The following FGF13 variants were observed in gnomAD, a reference collection of about 807,000 sequenced individuals.
The protein encoded by FGF13 is fibroblast growth factor homologous factor 2.
FGF13 carries 2 observed loss-of-function variants against 19.5 expected under a neutral mutation model. That is an observed-to-expected ratio of 0.10 (90% CI 0.04 to 0.32). The LOEUF (loss-of-function observed/expected upper bound fraction) is 0.32, where lower values mean the gene tolerates loss of function less well. Ranked by LOEUF, FGF13 falls within the 10% of genes least tolerant of loss-of-function variation. FGF13 has a pLI of 1.00. For synonymous variants in FGF13, 72 were observed against 76.9 expected (o/e 0.94, Z 0.33); for missense variants, 113 against 192.7 (o/e 0.59, Z 2.45).
intron 1 of FGF13, among the ~76,000 whole-genome samples, chrX:138,972,177 A>G (rs1490630824): frequency 9.2e-6 from 1 of 108,163 alleles, no homozygotes; most frequent in Non-Finnish European, 1.9e-5. Context: ...GGGAGTGCAG[A>G]TATCTCTTCA....
chrX:139,089,672 T>G (rs1202431112), intron 1 of FGF13, among the ~76,000 whole-genome samples: 1 of 112,132 alleles, frequency 8.9e-6, no homozygotes, highest in Admixed American at 9.4e-5. Flanking sequence ...TCAATTTCTC[T>G]ATGGTTTGCT....
At chrX:138,925,136 G>C (rs914437165) in intron 1 of FGF13, among the ~76,000 whole-genome samples, 1 of 112,035 alleles carries the variant, frequency 8.9e-6, no homozygotes, top group African/African-American at 3.2e-5. Context: ...GTGCCAAGAA[G>C]TATGCTTCAT....
At chrX:139,003,054 T>C (rs1356344997) in intron 1 of FGF13, among the ~76,000 whole-genome samples, 2 of 112,148 alleles carry the variant, frequency 1.8e-5, no homozygotes, top group Non-Finnish European at 3.8e-5. Flanking sequence ...TGTCCGGAAT[T>C]GGTGGGTTCT....
chrX:138,863,996 A>C lies in FGF13; in HGVS notation c.-39+581T>G, dbSNP rs374231685. ...GAAGGGCTGTTTTGTCCATTGTAGGATGTTGAGCTGTATCCCTAGCCTCTA... is the reference window on the plus strand; with the variant it reads ...GAAGGGCTGTTTTGTCCATTGTAGGCTGTTGAGCTGTATCCCTAGCCTCTA... On this transcript the variant is annotated intron_variant, in intron 2 of 2. Coordinates refer to the FGF13 transcript ENST00000421460. 2.5e-3 allele frequency among the ~76,000 whole-genome samples: 280 copies of C among 111,957 alleles called. 1 individual carries two copies. Among genetic ancestry groups the C allele is most frequent in the African/African-American group, 8.9e-3 (274 of 30,852 alleles).
intron 3 of FGF13, among the ~76,000 whole-genome samples, chrX:138,651,342 T>C (rs1303804166): frequency 1.8e-5 from 2 of 112,440 alleles, no homozygotes; most frequent in African/African-American, 6.5e-5. Flanking sequence ...TAAACAGCAG[T>C]GACAGGAAGA....
At chrX:138,877,099 C>T (rs910851799) in intron 1 of FGF13, among the ~76,000 whole-genome samples, 1 of 111,494 alleles carries the variant, frequency 9.0e-6, no homozygotes, top group Non-Finnish European at 1.9e-5. Context: ...GAACAACACA[C>T]ACCAGGGCCT....
intron 1 of FGF13, among the ~76,000 whole-genome samples, chrX:139,158,734 A>C (rs1363775267): frequency 9.0e-6 from 1 of 111,564 alleles, no homozygotes. Flanking sequence ...TCAGAGATTG[A>C]AGATCAACTT....
chrX:139,096,633 G>A (rs1168364843), intron 1 of FGF13, among the ~76,000 whole-genome samples: 1 of 111,451 alleles, frequency 9.0e-6, no homozygotes, highest in Non-Finnish European at 1.9e-5. Context: ...GCAATTATGT[G>A]GACTTTGAAA....
Position 139,158,224 on chromosome X carries a change from G to T in FGF13, c.-113+45192C>A, listed in dbSNP as rs766913526. On this transcript the variant is annotated intron_variant, in intron 1 of 2. Transcript: ENST00000421460. ...GCTAGCTGCAGCATTTTTTTTTTTT[G>T]ATATCCCAGTGGTGCCTGGAACACC... is the stretch of plus-strand genomic sequence containing the variant. Among the ~76,000 whole-genome samples, 85 of 88,573 alleles carry T rather than the reference G, an allele frequency of 9.6e-4. No homozygotes were observed. The East Asian group carries it at 0.018, about 19-fold the overall frequency. 76.9% of individuals were successfully genotyped at this position (88,573 alleles called of 115,157 possible).
At chrX:138,938,260 T>G (rs757052914) in intron 1 of FGF13, among the ~76,000 whole-genome samples, 3 of 110,749 alleles carry the variant, frequency 2.7e-5, no homozygotes, top group Non-Finnish European at 5.7e-5. Context: ...GACACAGGAG[T>G]TCACTGGTGA....
At chrX:139,029,002 T>C (rs980767664) in intron 1 of FGF13, among the ~76,000 whole-genome samples, 3 of 110,710 alleles carry the variant, frequency 2.7e-5, no homozygotes, top group Non-Finnish European at 5.7e-5. Flanking sequence ...TGTCAGTAGC[T>C]GTATGACCTT....
At chrX:138,785,464 C>T (rs957048247) in intron 3 of FGF13, among the ~76,000 whole-genome samples, 1 of 111,437 alleles carries the variant, frequency 9.0e-6, no homozygotes, top group Non-Finnish European at 1.9e-5. Flanking sequence ...TCTAATGTAG[C>T]TTTTCCTTCT....
chrX:139,092,574 A>G (rs1029382505), intron 1 of FGF13, among the ~76,000 whole-genome samples: 3 of 111,826 alleles, frequency 2.7e-5, no homozygotes, highest in East Asian at 2.8e-4. Flanking sequence ...TGCTGCACCA[A>G]TCCTCAAACA....
At chrX:138,951,409 T>G (rs1012924310) in intron 1 of FGF13, among the ~76,000 whole-genome samples, 2 of 111,814 alleles carry the variant, frequency 1.8e-5, no homozygotes, top group African/African-American at 6.5e-5. Context: ...ATTGATAAAT[T>G]AGGCATCATC....
chrX:139,071,585 T>G (rs1036940682), intron 1 of FGF13, among the ~76,000 whole-genome samples: 2 of 112,071 alleles, frequency 1.8e-5, no homozygotes. Flanking sequence ...ATGTACTTTA[T>G]CAATAACACT....
chrX:138,696,300 C>A (rs2089894278), intron 3 of FGF13, among the ~76,000 whole-genome samples: 2 of 112,006 alleles, frequency 1.8e-5, no homozygotes, highest in African/African-American at 6.5e-5. Flanking sequence ...CATAGAGAGA[C>A]AAAGTAAATT....
At chrX:139,117,522 G>A (rs1381476402) in intron 1 of FGF13, among the ~76,000 whole-genome samples, 1 of 111,070 alleles carries the variant, frequency 9.0e-6, no homozygotes, top group African/African-American at 3.3e-5. Flanking sequence ...TCACTTAAAG[G>A]GTCCTGCTAC....
chrX:139,080,942 C>A (rs1034923345), intron 1 of FGF13, among the ~76,000 whole-genome samples: 1 of 111,244 alleles, frequency 9.0e-6, no homozygotes, highest in African/African-American at 3.3e-5. Context: ...ACTGCATCAT[C>A]CTCATCACAT....
rs2088973369 is a variant in FGF13, at chrX:138,616,922, G to C, written c.*15928C>G. On this transcript the variant is annotated 3_prime_UTR_variant, in exon 5 of 5. Coordinates refer to ENST00000315930, the MANE Select transcript of FGF13 (RefSeq NM_004114.5). ...GCCACAGCTGAAGCTGAAGCAGCTGGGGACGCAGGGTACCATGTTTCAAGG... is the reference window on the plus strand; with the variant it reads ...GCCACAGCTGAAGCTGAAGCAGCTGCGGACGCAGGGTACCATGTTTCAAGG... 9.0e-6 allele frequency: 1 copy of C among 111,363 alleles called. No individual in the cohort carries two copies. Among genetic ancestry groups the C allele is most frequent in the South Asian group, 3.8e-4 (1 of 2,656 alleles). 9.2% of individuals were successfully genotyped at this position (111,363 alleles called of 1,213,427 possible). A position where few individuals can be genotyped will look rare whatever the true frequency, so the allele number is the denominator to read the frequency against.
Sources: gnomAD v4.1 joint callset for allele counts (sites outside exome capture counted in the v4.1 genomes callset) on GRCh38, gnomAD v4.1.1 for gene constraint, MANE v1.5 for transcripts, NCBI Gene and HGNC (gene_info 2026-07-23, HGNC 2026-07-21) for gene names.